The following RBM34 variants were observed in gnomAD, a reference collection of about 807,000 sequenced individuals.
RBM34 encodes the protein RNA binding motif protein 34.
Under a neutral mutation model 44.6 loss-of-function variants are expected in RBM34, and 39 were observed. The ratio of observed to expected loss-of-function variants is 0.87; its 90% CI spans 0.68 to 1.14. RBM34 has a LOEUF of 1.14. Ranked by LOEUF, RBM34 falls within the 50% of genes most tolerant of loss-of-function variation. The probability of loss-of-function intolerance (pLI) is 0.00; values close to 1 mark genes in which losing one functional copy is unlikely to be tolerated. For missense variants in RBM34, 572 were observed against 517.9 expected (o/e 1.10, Z -1.01); for synonymous variants, 194 against 184.0 (o/e 1.05, Z -0.44).
At chr1:235,134,458 G>A (rs907733499) in intron 10 of RBM34, among the ~76,000 whole-genome samples, 10 of 152,236 alleles carry the variant, frequency 6.6e-5, no homozygotes, top group Admixed American at 3.9e-4. Context: ...AACATGCCCG[G>A]CCTGTATATT....
intron 6 of RBM34, among the ~76,000 whole-genome samples, chr1:235,139,558 C>T (rs1163374707): frequency 2.0e-5 from 3 of 152,216 alleles, no homozygotes; most frequent in Non-Finnish European, 4.4e-5. Context: ...TCACACAACA[C>T]ACAGCTGCCG....
At chr1:235,154,007 G>A (rs909915844) in intron 4 of RBM34, among the ~76,000 whole-genome samples, 1 of 152,186 alleles carries the variant, frequency 6.6e-6, no homozygotes, top group African/African-American at 2.4e-5. Flanking sequence ...AGCACTTTGG[G>A]AGGCCGAGGC....
intron 3 of RBM34, among the ~76,000 whole-genome samples, chr1:235,158,638 A>T (rs1662555747): frequency 6.6e-6 from 1 of 152,174 alleles, no homozygotes. Flanking sequence ...GACAAAAAGT[A>T]GCAGTTCCCA....
chr1:235,134,166 G>A (rs1661318360), intron 10 of RBM34, among the ~76,000 whole-genome samples: 1 of 152,132 alleles, frequency 6.6e-6, no homozygotes, highest in African/African-American at 2.4e-5. Flanking sequence ...GGTACTACAG[G>A]CATGCACCAC....
intron 10 of RBM34, 69 bp downstream of exon 10, chr1:235,135,583 G>T: frequency 8.0e-7 from 1 of 1,251,828 alleles, no homozygotes; most frequent in Non-Finnish European, 1.2e-6. Context: ...TCTCAATGAT[G>T]ACATGCAACA....
At chr1:235,141,872 G>C (rs893251331) in intron 6 of RBM34, among the ~76,000 whole-genome samples, 3 of 152,126 alleles carry the variant, frequency 2.0e-5, no homozygotes, top group Non-Finnish European at 4.4e-5. Context: ...AACATCAGAA[G>C]GAACAGACTC....
Position 235,135,319 on chromosome 1 carries a change from C to A in RBM34, c.1008+333G>T, listed in dbSNP as rs546028498. Among the ~76,000 whole-genome samples, 5 of 152,000 alleles carry A rather than the reference C, an allele frequency of 3.3e-5. No homozygotes were observed. In the East Asian group the frequency reaches 9.7e-4, roughly 29 times the overall value. ...TCTCGGCTCACTGCAACCTCCACCT[C>A]CCGGGTTCAAGCGATTCTCCTGCCT... On this transcript the variant is annotated intron_variant, in intron 10 of 10. Coordinates refer to ENST00000408888, the MANE Select transcript of RBM34 (RefSeq NM_015014.4).
At chr1:235,157,675 G>A (rs1483374252) in intron 3 of RBM34, among the ~76,000 whole-genome samples, 1 of 152,188 alleles carries the variant, frequency 6.6e-6, no homozygotes, top group Non-Finnish European at 1.5e-5. Flanking sequence ...CACATTTAAA[G>A]AGTAGTCAGA....
At chr1:235,147,966 T>A (rs6680188) in intron 6 of RBM34, among the ~76,000 whole-genome samples, 24,581 of 152,016 alleles carry the variant, frequency 0.16, 2,215 homozygotes, top group African/African-American at 0.23. Flanking sequence ...TGAGCACTGG[T>A]AACAAGCCAC....
chr1:235,137,338 C>G (rs1453953315), intron 8 of RBM34, among the ~76,000 whole-genome samples: 2 of 152,076 alleles, frequency 1.3e-5, no homozygotes, highest in Non-Finnish European at 2.9e-5. Context: ...GTCTAATGTA[C>G]CTTCTGACCT....
intron 6 of RBM34, among the ~76,000 whole-genome samples, chr1:235,139,720 T>C (rs1661594990): frequency 6.6e-6 from 1 of 152,186 alleles, no homozygotes; most frequent in Non-Finnish European, 1.5e-5. Context: ...ATAACTTTTG[T>C]TGCAGCCATC....
At chr1:235,155,839 A>ATATATACG (rs1253500837) in intron 3 of RBM34, among the ~76,000 whole-genome samples, 16 of 24,570 alleles carry the variant, frequency 6.5e-4, no homozygotes, top group African/African-American at 3.1e-3. Context: ...ATATATATAT[A>ATATATACG]TATATATATA....
intron 10 of RBM34, among the ~76,000 whole-genome samples, chr1:235,134,391 C>A (rs1046710069): frequency 5.9e-5 from 9 of 152,096 alleles, no homozygotes; most frequent in Admixed American, 5.9e-4. Flanking sequence ...GAAGTCCTCA[C>A]GTTAATCAAT....
At chr1:235,145,882 C>T (rs907937947) in intron 6 of RBM34, among the ~76,000 whole-genome samples, 1 of 151,568 alleles carries the variant, frequency 6.6e-6, no homozygotes, top group Non-Finnish European at 1.5e-5. Flanking sequence ...AGCTCCTGGG[C>T]TCAAGTGATC....
chr1:235,148,889 C>A (rs1010835261), intron 5 of RBM34, among the ~76,000 whole-genome samples: 1 of 151,890 alleles, frequency 6.6e-6, no homozygotes, highest in Admixed American at 6.6e-5. Context: ...TGAGCCACCA[C>A]GGCTGGCCAA....
chr1:235,159,834 A>C (rs1268569621), intron 3 of RBM34, among the ~76,000 whole-genome samples: 2 of 149,700 alleles, frequency 1.3e-5, no homozygotes, highest in Non-Finnish European at 3.0e-5. Flanking sequence ...AGGCCACTGC[A>C]CTCCAGTCTG....
chr1:235,155,507 T>C (rs1261827874), intron 3 of RBM34, among the ~76,000 whole-genome samples: 1 of 82,124 alleles, frequency 1.2e-5, no homozygotes, highest in African/African-American at 6.9e-5. Context: ...ACACGTGGCT[T>C]TTTTTTTTTT....
At chr1:235,151,183 G>A (rs1662144980) in intron 5 of RBM34, among the ~76,000 whole-genome samples, 1 of 152,160 alleles carries the variant, frequency 6.6e-6, no homozygotes, top group African/African-American at 2.4e-5. Context: ...TTGAAAAACG[G>A]ACAGGAGTGG....
chr1:235,143,277 A>G (rs1203700575), intron 6 of RBM34, among the ~76,000 whole-genome samples: 1 of 152,246 alleles, frequency 6.6e-6, no homozygotes, highest in Admixed American at 6.5e-5. Flanking sequence ...AAAATGGTAC[A>G]AACACTTTGG....
Sources: allele counts gnomAD v4.1 joint callset (sites outside exome capture counted in the v4.1 genomes callset), GRCh38; gene constraint gnomAD v4.1.1; transcripts MANE v1.5; gene names NCBI Gene and HGNC (gene_info 2026-07-23, HGNC 2026-07-21).